Variants in PRELID2 observed in about 807,000 individuals in gnomAD.
The protein encoded by PRELID2 is PRELI domain-containing protein 2.
Under a neutral mutation model 28.4 loss-of-function variants are expected in PRELID2, and 25 were observed. The observed-to-expected ratio is 0.88, with a 90% CI of 0.64 to 1.23. The LOEUF is 1.23. Among genes scored for constraint, PRELID2 ranks in the 50% most tolerant of loss-of-function variants. The pLI is 0.00. For synonymous variants in PRELID2, 76 were observed against 71.6 expected (o/e 1.06, Z -0.31); for missense variants, 201 against 214.4 (o/e 0.94, Z 0.39).
At chr5:145,273,654 CCAAATATTAGGGA>C in the PRELID2 span, among the ~76,000 whole-genome samples, 15 of 152,006 alleles carry the variant, frequency 9.9e-5, no homozygotes, top group Admixed American at 2.0e-4. Flanking sequence ...TTTTGTCCTT[CCAAATATTAGGGA>C]CAAATATTAG....
the PRELID2 span, among the ~76,000 whole-genome samples, chr5:145,397,746 C>T: frequency 6.6e-6 from 1 of 152,052 alleles, no homozygotes; most frequent in South Asian, 2.1e-4. Flanking sequence ...TGCCAGATGC[C>T]AAGAAATAGT....
At chr5:145,304,808 C>G in the PRELID2 span, among the ~76,000 whole-genome samples, 1 of 151,964 alleles carries the variant, frequency 6.6e-6, no homozygotes, top group African/African-American at 2.4e-5. Context: ...ACAATTCTCC[C>G]TACATAGTAT....
chr5:145,590,871 G>T lies in PRELID2; in HGVS notation n.71-117556C>A, dbSNP rs548461422. On this transcript the variant is annotated intron_variant and non_coding_transcript_variant, in intron 1 of 2. Transcript: ENST00000510259. ...ACCCATGAATACAGTAAGATAGAAT[G>T]GACACTGTCTAGACTCATGGGAATA... Among the ~76,000 whole-genome samples, 3 of 152,124 alleles carry T rather than the reference G, an allele frequency of 2.0e-5. No homozygotes were observed. In the East Asian group the frequency reaches 5.8e-4, roughly 29 times the overall value.
At chr5:145,558,254 C>T (rs1208067016) in intron 1 of PRELID2, among the ~76,000 whole-genome samples, 1 of 152,024 alleles carries the variant, frequency 6.6e-6, no homozygotes, top group Non-Finnish European at 1.5e-5. Context: ...AGGATGTACT[C>T]GATAATTAAT....
intron 1 of PRELID2, among the ~76,000 whole-genome samples, chr5:145,524,604 G>A (rs1752592197): frequency 6.6e-6 from 1 of 152,212 alleles, no homozygotes; most frequent in Non-Finnish European, 1.5e-5. Flanking sequence ...TTGCTAACGT[G>A]GAAGCTCAAA....
intron 1 of PRELID2, among the ~76,000 whole-genome samples, chr5:145,651,551 G>C (rs778391740): frequency 1.3e-5 from 2 of 152,176 alleles, no homozygotes; most frequent in Non-Finnish European, 2.9e-5. Flanking sequence ...ACCCCTCTGA[G>C]ATGAAGCTTC....
intron 1 of PRELID2, among the ~76,000 whole-genome samples, chr5:145,491,774 C>T (rs888649048): frequency 6.6e-6 from 1 of 151,758 alleles, no homozygotes; most frequent in Non-Finnish European, 1.5e-5. Flanking sequence ...TTTTTAGATT[C>T]TCATATAATG....
chr5:145,362,053 G>T, the PRELID2 span, among the ~76,000 whole-genome samples: 4 of 152,130 alleles, frequency 2.6e-5, no homozygotes, highest in Admixed American at 2.6e-4. Flanking sequence ...AGCATTACTA[G>T]AATGCACATT....
downstream of PRELID2, among the ~76,000 whole-genome samples, chr5:145,468,024 G>C (rs6580374): frequency 0.21 from 32,070 of 151,648 alleles, 3,977 homozygotes; most frequent in South Asian, 0.35. Flanking sequence ...TCATTAACTC[G>C]TCATTTACAT....
At chr5:145,779,832 G>C (rs989843901) in intron 5 of PRELID2, among the ~76,000 whole-genome samples, 1 of 151,948 alleles carries the variant, frequency 6.6e-6, no homozygotes, top group African/African-American at 2.4e-5. Context: ...ATCCACATTG[G>C]GTTGATTCCA....
chr5:145,388,189 C>T, the PRELID2 span, among the ~76,000 whole-genome samples: 1 of 152,114 alleles, frequency 6.6e-6, no homozygotes, highest in Non-Finnish European at 1.5e-5. Flanking sequence ...AATAAGATCT[C>T]TCATGTTTCT....
chr5:145,811,743 C>A (rs1325162154), intron 4 of PRELID2, among the ~76,000 whole-genome samples: 1 of 152,194 alleles, frequency 6.6e-6, no homozygotes, highest in African/African-American at 2.4e-5. Context: ...AAATAAGAGA[C>A]TATGAGGCTG....
intron 1 of PRELID2, among the ~76,000 whole-genome samples, chr5:145,586,720 C>T (rs1020086636): frequency 3.9e-5 from 6 of 152,046 alleles, no homozygotes; most frequent in African/African-American, 7.2e-5. Context: ...AGGTCAGACT[C>T]GCTAGATTTT....
intron 6 of PRELID2, among the ~76,000 whole-genome samples, chr5:145,762,015 C>T (rs556358219): frequency 2.0e-5 from 3 of 152,226 alleles, no homozygotes; most frequent in South Asian, 2.1e-4. Flanking sequence ...TGGCAGCATT[C>T]GATGCAACAT....
Position 145,595,967 on chromosome 5 carries a change from G to A in PRELID2, n.71-122652C>T, listed in dbSNP as rs75355471. ...TTAGCCAGGTGTGGTGGCACACACC[G>A]ATAGTTCCAGGGACTTGGAAGGCTG... is the stretch of plus-strand genomic sequence containing the variant. On this transcript the variant is annotated intron_variant and non_coding_transcript_variant, in intron 1 of 2. Transcript: ENST00000510259. Among the ~76,000 whole-genome samples, 212 of 151,940 alleles carry A rather than the reference G, an allele frequency of 1.4e-3. 2 individuals are homozygous for A. In the East Asian group the frequency reaches 0.035, roughly 25 times the overall value.
chr5:145,303,293 A>T, the PRELID2 span, among the ~76,000 whole-genome samples: 1 of 152,214 alleles, frequency 6.6e-6, no homozygotes, highest in Admixed American at 6.5e-5. Flanking sequence ...AGTGAAGTCA[A>T]TATGGCTACC....
the PRELID2 span, among the ~76,000 whole-genome samples, chr5:145,438,924 T>C: frequency 3.4e-4 from 51 of 152,188 alleles, no homozygotes; most frequent in African/African-American, 1.2e-3. Context: ...TTCTTGAGAC[T>C]TACCACCCAT....
the PRELID2 span, among the ~76,000 whole-genome samples, chr5:145,244,159 T>C: frequency 6.6e-6 from 1 of 152,118 alleles, no homozygotes; most frequent in African/African-American, 2.4e-5. Context: ...TTCAGTATGT[T>C]GGCCAGGCTG....
the PRELID2 span, among the ~76,000 whole-genome samples, chr5:145,383,710 G>A: frequency 2.0e-5 from 3 of 150,666 alleles, no homozygotes; most frequent in Non-Finnish European, 4.4e-5. Context: ...AAAGTTAAGT[G>A]TAAAAATCTT....
Sources: gnomAD v4.1 joint callset for allele counts (sites outside exome capture counted in the v4.1 genomes callset) on GRCh38, gnomAD v4.1.1 for gene constraint, MANE v1.5 for transcripts, NCBI Gene and HGNC (gene_info 2026-07-23, HGNC 2026-07-21) for gene names.